MFN1: variants seen among roughly 807,000 people sequenced by gnomAD.
MFN1 encodes mitofusin 1, also known as mitofusin-1.
A neutral mutation model predicts 92.4 loss-of-function variants in MFN1; 65 were observed. That is an observed-to-expected ratio of 0.70 (90% CI 0.58 to 0.86). The LOEUF (loss-of-function observed/expected upper bound fraction) is 0.86. MFN1 is among the 40% of genes least tolerant of loss of function. The pLI, the probability that MFN1 is intolerant of heterozygous loss-of-function variation, is 0.00. For missense variants in MFN1, 781 were observed against 868.0 expected (o/e 0.90, Z 1.26); for synonymous variants, 297 against 300.9 (o/e 0.99, Z 0.13).
At chr3:179,359,997 C>A (rs1712510757) in intron 4 of MFN1, 1 of 152,018 alleles carries the variant, frequency 6.6e-6, no homozygotes. Context: ...TGGCTAGCAA[C>A]CTCCACCTCC....
In MFN1 at chr3:179,378,926, A is replaced by G. The variant is rs1273288089; in HGVS notation, c.1662+112A>G. ...TCTGCACATTTAAAAGCTAGTATCTATCTCTTAGAGCCATTTCTGAGGTAG... is the reference window on the plus strand; with the variant it reads ...TCTGCACATTTAAAAGCTAGTATCTGTCTCTTAGAGCCATTTCTGAGGTAG... On this transcript the variant is annotated intron_variant, in intron 14 of 17. Transcript: ENST00000471841. 2.0e-5 allele frequency: 16 copies of G among 794,452 alleles called. No individual in the cohort carries two copies. The Admixed American group carries it at 3.1e-4, about 16-fold the overall frequency. 49.2% of individuals were successfully genotyped at this position (794,452 alleles called of 1,614,324 possible).
At position 179,351,992 on chromosome 3, in the gene MFN1, G is replaced by T; in HGVS notation, c.205G>T (p.Glu69Ter). 2 of 1,609,430 alleles carry T rather than the reference G, an allele frequency of 1.2e-6. No individual in the cohort carries two copies. Among genetic ancestry groups the T allele is most frequent in the Non-Finnish European group, 1.7e-6 (2 of 1,176,642 alleles). ...GYKDKLSIIG[E>*]VLSRRHMKVA... ...TAAAGACAAGCTTTCCATCATTGGT[G>T]AGGTGCTATCTCGGAGACACATGAA... Residue 69 changes from glutamate (E) to a stop codon, truncating the protein, a stop_gained, in exon 3 of 18, where the codon GAG becomes TAG. Coordinates refer to ENST00000471841, the MANE Select transcript of MFN1 (RefSeq NM_033540.3). LOFTEE classifies it high-confidence loss of function.
At chr3:179,349,441 G>A (rs1712052546) in intron 2 of MFN1, among the ~76,000 whole-genome samples, 2 of 151,806 alleles carry the variant, frequency 1.3e-5, no homozygotes, top group African/African-American at 4.8e-5. Flanking sequence ...AATTGCAGTG[G>A]AAAGGGGGAA....
intron 12 of MFN1, 149 bp from the exon 13 acceptor site, chr3:179,378,192 C>T (rs536427924): frequency 4.2e-5 from 27 of 639,572 alleles, no homozygotes; most frequent in Non-Finnish European, 6.2e-5. Context: ...GCACTCCAGC[C>T]TAGGCAACAA....
At chr3:179,382,480 A>G (rs936084723) in intron 14 of MFN1, among the ~76,000 whole-genome samples, 1 of 152,214 alleles carries the variant, frequency 6.6e-6, no homozygotes, top group African/African-American at 2.4e-5. Context: ...ATTGTTGGAC[A>G]TTTGGGTTGG....
intron 2 of MFN1, among the ~76,000 whole-genome samples, chr3:179,351,512 A>T (rs766635868): frequency 6.6e-6 from 1 of 152,052 alleles, no homozygotes; most frequent in Non-Finnish European, 1.5e-5. Flanking sequence ...TCCTATTCAA[A>T]CCTCACTTTT....
intron 1 of MFN1, among the ~76,000 whole-genome samples, chr3:179,348,494 C>G (rs6808866): frequency 0.036 from 5,512 of 152,254 alleles, 319 homozygotes; most frequent in African/African-American, 0.12. Flanking sequence ...TAGTAACTTC[C>G]TTATTGTGTG....
chr3:179,362,494 T>C lies in MFN1; in HGVS notation c.536+12T>C. ...GTGTTAGTAGACAGGTAAAATTACA[T>C]GTGGATTGCATTTTCTCTGGAAGTT... On this transcript the variant is annotated intron_variant, in intron 5 of 17. Coordinates refer to ENST00000471841, the MANE Select transcript of MFN1 (RefSeq NM_033540.3). The C allele has an allele frequency of 6.2e-7, 1 of 1,609,936 alleles. No individual in the cohort carries two copies. Among genetic ancestry groups the C allele is most frequent in the African/African-American group, 1.3e-5 (1 of 74,852 alleles).
rs1023338768 is a variant in MFN1, at chr3:179,394,789, A to G, written c.*2730A>G. ...TGAATTATACAGGAATTATGTAATTATGAGTGATGTACTTCAAAGTTATTG... is the reference window on the plus strand; with the variant it reads ...TGAATTATACAGGAATTATGTAATTGTGAGTGATGTACTTCAAAGTTATTG... On this transcript the variant is annotated 3_prime_UTR_variant, in exon 18 of 18. Coordinates refer to ENST00000471841, the MANE Select transcript of MFN1 (RefSeq NM_033540.3). The G allele has an allele frequency of 3.3e-5, 5 of 152,248 alleles. No homozygotes were observed. The highest frequency in any genetic ancestry group is 7.3e-5 in the Non-Finnish European group (5 of 68,050). The allele number at this position is 152,248 out of a possible 1,614,324, so 9.4% of individuals were successfully genotyped here.
chr3:179,377,661 C>T (rs986638715), intron 12 of MFN1, among the ~76,000 whole-genome samples: 8 of 152,160 alleles, frequency 5.3e-5, no homozygotes, highest in African/African-American at 1.9e-4. Flanking sequence ...GGACGAGGCA[C>T]AGTGGCTCAT....
At chr3:179,377,003 G>C (rs1373337635) in intron 10 of MFN1, 39 bp from the exon 11 acceptor site, 1 of 1,604,314 alleles carries the variant, frequency 6.2e-7, no homozygotes, top group Non-Finnish European at 8.5e-7. Flanking sequence ...TAGGACTTCA[G>C]ACTACCCTGA....
At chr3:179,373,305 C>T (rs1344673204) in intron 9 of MFN1, among the ~76,000 whole-genome samples, 2 of 152,024 alleles carry the variant, frequency 1.3e-5, no homozygotes, top group South Asian at 2.1e-4. Context: ...AAGCATAGGT[C>T]GTAAATAGGA....
rs1714025678 is a variant in MFN1, at chr3:179,394,486, G to GC, written c.*2428dup. ...GCTGGAGTGCAGTGGCGCGATCTCGGCTCACTGCAAGCTCCGCCTCCCGGG... is the reference window on the plus strand; with the variant it reads ...GCTGGAGTGCAGTGGCGCGATCTCGGCCTCACTGCAAGCTCCGCCTCCCGGG... On this transcript the variant is annotated 3_prime_UTR_variant, in exon 18 of 18. Transcript: ENST00000471841. The GC allele has an allele frequency of 7.2e-6, 1 of 138,354 alleles. No homozygotes were observed. The highest frequency in any genetic ancestry group is 2.7e-5 in the African/African-American group (1 of 37,214). 8.6% of individuals were successfully genotyped at this position (138,354 alleles called of 1,614,324 possible).
rs950901957 is a variant in MFN1 at position 179,394,809 on chromosome 3, T to C, written c.*2750T>C. On this transcript the variant is annotated 3_prime_UTR_variant, in exon 18 of 18. Transcript: ENST00000471841. ...TAATTATGAGTGATGTACTTCAAAGTTATTGCACATACACTTGTTTACTTT... is the reference window on the plus strand; with the variant it reads ...TAATTATGAGTGATGTACTTCAAAGCTATTGCACATACACTTGTTTACTTT... 1.3e-5 allele frequency: 2 copies of C among 152,240 alleles called. No individual in the cohort carries two copies. Among genetic ancestry groups the C allele is most frequent in the Non-Finnish European group, 2.9e-5 (2 of 68,044 alleles). The allele number at this position is 152,240 out of a possible 1,614,324, so 9.4% of individuals were successfully genotyped here.
intron 4 of MFN1, among the ~76,000 whole-genome samples, chr3:179,360,636 T>G (rs1712539873): frequency 6.6e-6 from 1 of 152,104 alleles, no homozygotes; most frequent in Admixed American, 6.5e-5. Context: ...GCACTGTTTC[T>G]CATTGTGGTT....
intron 2 of MFN1, among the ~76,000 whole-genome samples, chr3:179,351,113 A>T (rs1433670185): frequency 6.6e-6 from 1 of 152,176 alleles, no homozygotes; most frequent in East Asian, 1.9e-4. Context: ...ATGAATCTTC[A>T]TGTCTTTACC....
At chr3:179,362,719 G>A (rs1361762456) in intron 5 of MFN1, among the ~76,000 whole-genome samples, 1 of 152,118 alleles carries the variant, frequency 6.6e-6, no homozygotes, top group Non-Finnish European at 1.5e-5. Context: ...TGGCCAGAGT[G>A]CAGTGCCGCA....
At chr3:179,348,671 C>A (rs990318543) in intron 1 of MFN1, 174 bp from the exon 2 acceptor site, 1 of 922,586 alleles carries the variant, frequency 1.1e-6, no homozygotes, top group East Asian at 3.0e-5. Context: ...AAATATCATT[C>A]AAAAGTCGTC....
intron 12 of MFN1, among the ~76,000 whole-genome samples, chr3:179,377,819 C>T (rs1474402959): frequency 6.6e-6 from 1 of 151,940 alleles, no homozygotes; most frequent in Non-Finnish European, 1.5e-5. Context: ...AATCCCAGCA[C>T]TTTGGGAGGC....
Sources: gnomAD v4.1 joint callset for allele counts (sites outside exome capture counted in the v4.1 genomes callset) on GRCh38, gnomAD v4.1.1 for gene constraint, MANE v1.5 for transcripts, NCBI Gene and HGNC (gene_info 2026-07-23, HGNC 2026-07-21) for gene names.